The following KDM3B variants were observed in gnomAD, a reference collection of about 807,000 sequenced individuals.
The protein encoded by KDM3B is lysine-specific demethylase 3B.
In KDM3B, 10 loss-of-function variants were observed where a neutral mutation model predicts 170.0. The ratio of observed to expected loss-of-function variants is 0.06; its 90% CI spans 0.04 to 0.10. KDM3B has a LOEUF of 0.10. Ranked by LOEUF, KDM3B falls within the 10% of genes least tolerant of loss-of-function variation. The pLI is 1.00. For synonymous variants in KDM3B, 831 were observed against 834.8 expected (o/e 1.00, Z 0.08); for missense variants, 1,394 against 2,195.2 (o/e 0.64, Z 7.29).
intron 12 of KDM3B, among the ~76,000 whole-genome samples, 166 bp from the exon 13 acceptor site, chr5:138,417,317 C>G (rs529040439): frequency 1.3e-5 from 2 of 152,172 alleles, no homozygotes; most frequent in East Asian, 3.9e-4. Context: ...AATGGCCTAA[C>G]TTCTTCTCTC....
At chr5:138,365,534 G>C (rs886546120) in intron 1 of KDM3B, among the ~76,000 whole-genome samples, 3 of 151,686 alleles carry the variant, frequency 2.0e-5, no homozygotes, top group South Asian at 4.2e-4. Flanking sequence ...CTGGGATTAC[G>C]GTCATGAGCC....
chr5:138,427,099 C>T, intron 18 of KDM3B, 34 bp downstream of exon 18: 2 of 1,608,266 alleles, frequency 1.2e-6, no homozygotes, highest in Non-Finnish European at 1.7e-6. Flanking sequence ...TCTTCAGAAG[C>T]CATCACAAAG....
chr5:138,433,967 C>T (rs1163348269), intron 23 of KDM3B, among the ~76,000 whole-genome samples: 4 of 152,008 alleles, frequency 2.6e-5, no homozygotes, highest in South Asian at 2.1e-4. Flanking sequence ...CTTGAACTCC[C>T]GACCTCAGGT....
Position 138,424,156 on chromosome 5 carries a change from G to T in KDM3B, c.4054G>T (p.Ala1352Ser). 6.2e-7 allele frequency: 1 copy of T among 1,613,768 alleles called. No individual in the cohort carries two copies. The highest frequency in any genetic ancestry group is 1.7e-5 in the Admixed American group (1 of 59,974). The change falls in exon 16 of 24, where the codon GCT becomes TCT. Residue 1352 changes from alanine (A) to serine (S), a missense_variant. Coordinates refer to ENST00000314358, the MANE Select transcript of KDM3B (RefSeq NM_016604.4). ...GGTAGAAAATAAGAAAACCTCAGATGCTTCAAAGCGGGCCTGCAACTTGAC... is the reference window on the plus strand; with the variant it reads ...GGTAGAAAATAAGAAAACCTCAGATTCTTCAAAGCGGGCCTGCAACTTGAC... ...SVVENKKTSD[A>S]SKRACNLTDT... is the part of the protein sequence containing the mutation.
intron 10 of KDM3B, among the ~76,000 whole-genome samples, chr5:138,399,510 C>T (rs932179968): frequency 1.3e-5 from 2 of 151,782 alleles, no homozygotes; most frequent in Non-Finnish European, 2.9e-5. Context: ...TGCACTCCAG[C>T]CTGGATGACA....
In KDM3B at chr5:138,386,468, A is replaced by C. The variant is rs755497633; in HGVS notation, c.1227A>C (p.Thr409=). The C allele has an allele frequency of 2.5e-6, 4 of 1,614,070 alleles. No individual in the cohort carries two copies. Among genetic ancestry groups the C allele is most frequent in the Admixed American group, 1.7e-5 (1 of 59,996 alleles). The change falls in exon 7 of 24, where the codon ACA becomes ACC. Residue 409 remains threonine, a synonymous_variant. Coordinates refer to ENST00000314358, the MANE Select transcript of KDM3B (RefSeq NM_016604.4). ...CCGAAAACAAAGAGGCAGGAAAAAC[A>C]CTGGAACAAGTTGGCCAGGGCATAG... The part of the protein sequence containing the change: ...GGAENKEAGK[T]LEQVGQGIVA...
chr5:138,407,248 A>G (rs1027509551), intron 11 of KDM3B, among the ~76,000 whole-genome samples: 2 of 152,132 alleles, frequency 1.3e-5, no homozygotes, highest in African/African-American at 4.8e-5. Flanking sequence ...AGCCTCCCAA[A>G]GTGCTGGGAT....
chr5:138,419,485 T>C (rs1359740551), intron 14 of KDM3B, among the ~76,000 whole-genome samples: 1 of 151,256 alleles, frequency 6.6e-6, no homozygotes, highest in African/African-American at 2.4e-5. Context: ...AAACCCCGTC[T>C]CTACTAAAAA....
At position 138,391,931 on chromosome 5, in the gene KDM3B, A is replaced by G. The variant is rs1279758033; in HGVS notation, c.2299A>G (p.Asn767Asp). ...CAATCCCCTCCTCAAAACCTTTAGTAACGTCTTTGGCAGGCACTCAGGCGG... is the reference window on the plus strand; with the variant it reads ...CAATCCCCTCCTCAAAACCTTTAGTGACGTCTTTGGCAGGCACTCAGGCGG... ...QDNPLLKTFS[N>D]VFGRHSGGFL... The change falls in exon 8 of 24, where the codon AAC (asparagine) becomes GAC (aspartate). Residue 767 changes from asparagine to aspartate, a missense_variant. By Grantham distance (23) the Asn-to-Asp change is conservative. Around this residue, in one of 19 missense-constraint regions of KDM3B, gnomAD observed 84 missense variants for 135.8 expected, o/e 0.62. Transcript: ENST00000314358. This position sits in a 1 kb window ranked among gnomAD's most constrained non-coding sequence, Gnocchi z 5.0. 6.2e-7 allele frequency: 1 copy of G among 1,612,778 alleles called. No individual in the cohort carries two copies. The highest frequency in any genetic ancestry group is 1.1e-5 in the South Asian group (1 of 91,068).
intron 1 of KDM3B, among the ~76,000 whole-genome samples, chr5:138,357,948 A>G (rs950568654): frequency 6.6e-6 from 1 of 150,848 alleles, no homozygotes; most frequent in East Asian, 2.0e-4. Flanking sequence ...CGGCCTCCCA[A>G]AGTGCTGGGA....
rs1433637920 is a variant in KDM3B, at chr5:138,386,566, C to T, written c.1325C>T (p.Ala442Val). 3 of 1,614,068 alleles carry T rather than the reference C, an allele frequency of 1.9e-6. No homozygotes were observed. The highest frequency in any genetic ancestry group is 2.5e-6 in the Non-Finnish European group (3 of 1,180,020). Residue 442 changes from alanine (A) to valine (V), a missense_variant, in exon 7 of 24, where the codon GCA becomes GTA. Around this residue, in one of 19 missense-constraint regions of KDM3B, gnomAD observed 205 missense variants for 227.6 expected, o/e 0.90. Transcript: ENST00000314358. ...GTGAGGATCTCAGACACTGGCCTTG[C>T]AGCAGGGACTGTGCCAGAAAAACAG... is the stretch of plus-strand genomic sequence containing the variant. ...NTVRISDTGL[A>V]AGTVPEKQKG...
Position 138,420,688 on chromosome 5 carries a change from C to T in KDM3B, c.3716-18C>T. The T allele has an allele frequency of 6.2e-7, 1 of 1,613,156 alleles. No individual in the cohort carries two copies. The highest frequency in any genetic ancestry group is 8.5e-7 in the Non-Finnish European group (1 of 1,179,762). Reference sequence around the variant, plus strand: ...TTCCTTTTTGTACCTAATGCTGTTCCTGGTTATGTTCTTACAGAAGCAGGG... The same window carrying T: ...TTCCTTTTTGTACCTAATGCTGTTCTTGGTTATGTTCTTACAGAAGCAGGG... On this transcript the variant is annotated intron_variant, in intron 14 of 23. Coordinates refer to ENST00000314358, the MANE Select transcript of KDM3B (RefSeq NM_016604.4).
At position 138,352,973 on chromosome 5, in the gene KDM3B, C is replaced by A; in HGVS notation, c.178C>A (p.Pro60Thr). 1 of 1,246,098 alleles carries A rather than the reference C, an allele frequency of 8.0e-7. No individual in the cohort carries two copies. The highest frequency in any genetic ancestry group is 1.0e-6 in the Non-Finnish European group (1 of 996,858). 77.2% of individuals were successfully genotyped at this position (1,246,098 alleles called of 1,614,324 possible). ...GTVRAMSGAVPQDLAIFVEFD... is the reference protein window; with the variant it reads ...GTVRAMSGAVTQDLAIFVEFD... ...GGTGCGGGCCATGAGCGGGGCGGTG[C>A]CCCAGGACCTAGCGGTGAGTGGCGG... is the stretch of plus-strand genomic sequence containing the variant. The change falls in exon 1 of 24, where the codon CCC (proline) becomes ACC (threonine). Residue 60 changes from proline (P) to threonine (T), a missense_variant. By Grantham distance (38) the Pro-to-Thr change is conservative. This residue lies in a region of KDM3B where 99 missense variants were observed against 97.5 expected (regional missense o/e 1.02). Coordinates refer to ENST00000314358, the MANE Select transcript of KDM3B (RefSeq NM_016604.4).
intron 1 of KDM3B, 34 bp downstream of exon 1, chr5:138,353,021 G>A (rs574734811): frequency 2.0e-5 from 24 of 1,213,628 alleles, no homozygotes; most frequent in Non-Finnish European, 2.5e-5. Context: ...CTCGAGGCCG[G>A]GGCTGCGGGG....
chr5:138,419,716 T>TACACAC (rs1284802955), intron 14 of KDM3B, among the ~76,000 whole-genome samples: 2 of 87,170 alleles, frequency 2.3e-5, no homozygotes, highest in Admixed American at 1.2e-4. Flanking sequence ...CACACATATA[T>TACACAC]ATACACACAC....
Position 138,436,124 on chromosome 5 carries a change from C to G in KDM3B, c.*424C>G, listed in dbSNP as rs1763667701. 5.5e-6 allele frequency: 1 copy of G among 181,136 alleles called. No homozygotes were observed. The allele number at this position is 181,136 out of a possible 1,614,324, so 11.2% of individuals were successfully genotyped here. A position where few individuals can be genotyped will look rare whatever the true frequency, so the allele number is the denominator to read the frequency against. On this transcript the variant is annotated 3_prime_UTR_variant, in exon 24 of 24. Coordinates refer to ENST00000314358, the MANE Select transcript of KDM3B (RefSeq NM_016604.4). ...GTATGGGGTAATTGCTTAAACATGC[C>G]TGGTGGAAGTCTGATAGCGTCTCTG...
In KDM3B at chr5:138,420,721, G is replaced by A. The variant is rs769236644; in HGVS notation, c.3731G>A (p.Arg1244Lys). 1 of 1,614,068 alleles carries A rather than the reference G, an allele frequency of 6.2e-7. No homozygotes were observed. The highest frequency in any genetic ancestry group is 1.7e-5 in the Admixed American group (1 of 60,012). The change falls in exon 15 of 24, where the codon AGG becomes AAG. Residue 1244 changes from arginine (R) to lysine (K), a missense_variant. Transcript: ENST00000314358. The part of the protein sequence containing the change: ...KEETKEAGSL[R>K]SVLNKESHSP... ...GTTCTTACAGAAGCAGGGTCCCTGAGGTCGGTGCTCAATAAAGAGTCTCAT... is the reference window on the plus strand; with the variant it reads ...GTTCTTACAGAAGCAGGGTCCCTGAAGTCGGTGCTCAATAAAGAGTCTCAT...
At chr5:138,425,321 C>G in intron 16 of KDM3B, 90 bp from the exon 17 acceptor site, 1 of 1,174,186 alleles carries the variant, frequency 8.5e-7, no homozygotes, top group South Asian at 1.6e-5. Flanking sequence ...AAGAGGAGGC[C>G]CTCCTCAGGA....
At chr5:138,384,329 G>A (rs1010574539) in intron 6 of KDM3B, among the ~76,000 whole-genome samples, 7 of 152,054 alleles carry the variant, frequency 4.6e-5, no homozygotes, top group Admixed American at 3.9e-4. Context: ...GCTGGGCGTG[G>A]TGGCTCATAC....
Sources: gnomAD v4.1 joint callset for allele counts (sites outside exome capture counted in the v4.1 genomes callset) on GRCh38, gnomAD v4.1.1 for gene constraint, gnomAD v4.1.1 regional missense constraint, Gnocchi (gnomAD v3.1) non-coding constraint, MANE v1.5 for transcripts, NCBI Gene and HGNC (gene_info 2026-07-23, HGNC 2026-07-21) for gene names.